Variants in LIN28B observed in about 807,000 individuals in gnomAD.
The protein encoded by LIN28B is protein lin-28 homolog B.
Under a neutral mutation model 21.9 loss-of-function variants are expected in LIN28B, and 5 were observed. That is an observed-to-expected ratio of 0.23 (90% CI 0.12 to 0.48). LIN28B has a LOEUF of 0.48. LIN28B is among the 20% of genes least tolerant of loss of function. The pLI is 0.98. For synonymous variants in LIN28B, 109 were observed against 111.3 expected, an observed-to-expected ratio of 0.98 and a Z score of 0.13; for missense variants, 245 against 310.5, an observed-to-expected ratio of 0.79 and a Z score of 1.58.
rs1420640908 is a variant in LIN28B, at chr6:105,080,867, C to T, written c.*2084C>T. The T allele has an allele frequency of 6.6e-6, 1 of 152,446 alleles. No homozygotes were observed. Among genetic ancestry groups the T allele is most frequent in the East Asian group, 1.9e-4 (1 of 5,190 alleles). 9.4% of individuals were successfully genotyped at this position (152,446 alleles called of 1,614,324 possible). On this transcript the variant is annotated 3_prime_UTR_variant, in exon 4 of 4. Transcript: ENST00000345080. ...AAAATTCAAACCAAAGTTCCTTCAC[C>T]TTATGGAAATAGGAAATTATGGACT...
intron 2 of LIN28B, among the ~76,000 whole-genome samples, chr6:104,999,240 A>G (rs965123021): frequency 6.6e-6 from 1 of 152,146 alleles, no homozygotes; most frequent in African/African-American, 2.4e-5. Flanking sequence ...CTAAGGCTCA[A>G]GAGATCCTCC....
chr6:105,007,293 T>A (rs1441983110), intron 2 of LIN28B, among the ~76,000 whole-genome samples: 1 of 152,188 alleles, frequency 6.6e-6, no homozygotes, highest in East Asian at 1.9e-4. Context: ...CAATTGAATT[T>A]ATTATTCAAA....
intron 3 of LIN28B, among the ~76,000 whole-genome samples, chr6:105,069,993 T>A (rs535483115): frequency 6.6e-6 from 1 of 152,252 alleles, no homozygotes; most frequent in South Asian, 2.1e-4. Flanking sequence ...CCTTCCCTCC[T>A]TCCACCCCTC....
At chr6:105,020,490 G>A (rs1771116707) in intron 2 of LIN28B, among the ~76,000 whole-genome samples, 1 of 151,554 alleles carries the variant, frequency 6.6e-6, no homozygotes, top group African/African-American at 2.4e-5. Context: ...CTAATTTTTT[G>A]TATTTTTTTG....
upstream of LIN28B, among the ~76,000 whole-genome samples, chr6:104,955,663 T>G (rs1257702078): frequency 7.0e-6 from 1 of 142,672 alleles, no homozygotes; most frequent in Non-Finnish European, 1.5e-5. Context: ...TTGAAGAGAC[T>G]GGGAGGGGGA....
chr6:105,067,054 A>G (rs1772232894), intron 3 of LIN28B, among the ~76,000 whole-genome samples: 1 of 152,190 alleles, frequency 6.6e-6, no homozygotes. Flanking sequence ...AGTCTGGTGA[A>G]AAAAGCAAGC....
At chr6:105,018,868 A>G (rs1216456848) in intron 2 of LIN28B, among the ~76,000 whole-genome samples, 2 of 152,072 alleles carry the variant, frequency 1.3e-5, no homozygotes, top group African/African-American at 4.8e-5. Flanking sequence ...TATTGTCTCA[A>G]ATAGCTCTGG....
Position 104,945,562 on chromosome 6 carries a change from C to T in LIN28B, c.19-4899C>T, listed in dbSNP as rs1473818950. On this transcript the variant is annotated intron_variant, in intron 2 of 5. Coordinates refer to the LIN28B transcript ENST00000635857. ...GTTTTGTCTTAAAGTTATGGTGGGC[C>T]TTCAAAGTATATGTGATTACCTTTT... is the stretch of plus-strand genomic sequence containing the variant. Among the ~76,000 whole-genome samples the T allele has an allele frequency of 2.0e-5, 3 of 152,034 alleles. 1 individual carries two copies. The highest frequency in any genetic ancestry group is 4.4e-5 in the Non-Finnish European group (3 of 67,934).
chr6:104,958,175 C>G lies in LIN28B; in HGVS notation c.87C>G (p.Arg29=). 6.2e-7 allele frequency: 1 copy of G among 1,607,268 alleles called. No individual in the cohort carries two copies. The highest frequency in any genetic ancestry group is 8.5e-7 in the Non-Finnish European group (1 of 1,174,842). ...EPAEEESQVL[R]GTGHCKWFNV... is the part of the protein sequence containing the mutation. ...CAGAGGAGGAATCCCAGGTTTTGCG[C>G]GGAACTGGCCACTGTAAGTGGTTCA... The change falls in exon 2 of 4, where the codon CGC becomes CGG. Residue 29 remains arginine (R), a synonymous_variant. Transcript: ENST00000345080.
At chr6:104,975,086 C>T (rs777300445) in intron 2 of LIN28B, among the ~76,000 whole-genome samples, 4 of 152,108 alleles carry the variant, frequency 2.6e-5, no homozygotes, top group Non-Finnish European at 5.9e-5. Flanking sequence ...TCCCAAAGTG[C>T]TGAGATTACA....
chr6:105,068,964 C>T (rs1348374253), intron 3 of LIN28B, among the ~76,000 whole-genome samples: 1 of 152,144 alleles, frequency 6.6e-6, no homozygotes, highest in African/African-American at 2.4e-5. Context: ...CACCTGTAAT[C>T]CCAGCACTTT....
At chr6:105,069,998 C>T (rs1772300901) in intron 3 of LIN28B, among the ~76,000 whole-genome samples, 1 of 152,124 alleles carries the variant, frequency 6.6e-6, no homozygotes, top group Non-Finnish European at 1.5e-5. Context: ...CCTCCTTCCA[C>T]CCCTCCCCTC....
At chr6:104,941,824 G>A (rs899984361) in intron 2 of LIN28B, among the ~76,000 whole-genome samples, 2 of 152,218 alleles carry the variant, frequency 1.3e-5, no homozygotes, top group Admixed American at 6.5e-5. Context: ...TTGGATGCGG[G>A]TGCTTTGTGA....
At position 105,080,030 on chromosome 6, in the gene LIN28B, A is replaced by G. The variant is rs920632323; in HGVS notation, c.*1247A>G. 3.3e-5 allele frequency: 5 copies of G among 152,192 alleles called. No homozygotes were observed. Among genetic ancestry groups the G allele is most frequent in the Admixed American group, 3.3e-4 (5 of 15,274 alleles). 9.4% of individuals were successfully genotyped at this position (152,192 alleles called of 1,614,324 possible). On this transcript the variant is annotated 3_prime_UTR_variant, in exon 4 of 4. Transcript: ENST00000345080. Reference sequence around the variant, plus strand: ...CCCACCAGAGAGCTAGAAGTATTTTATACAGTAACTTTGATCTTATGGAAG... The same window carrying G: ...CCCACCAGAGAGCTAGAAGTATTTTGTACAGTAACTTTGATCTTATGGAAG...
At chr6:104,953,566 C>G (rs1778247537), upstream of LIN28B, among the ~76,000 whole-genome samples, 1 of 152,146 alleles carries the variant, frequency 6.6e-6, no homozygotes, top group Non-Finnish European at 1.5e-5. Flanking sequence ...TGAGAAATCA[C>G]CAGCCTTTGG....
At chr6:105,027,388 A>G (rs1472484824) in intron 3 of LIN28B, among the ~76,000 whole-genome samples, 1 of 151,924 alleles carries the variant, frequency 6.6e-6, no homozygotes, top group Non-Finnish European at 1.5e-5. Context: ...TTTTCACATT[A>G]TTTGATTACT....
At chr6:105,042,240 A>G (rs1771653228) in intron 3 of LIN28B, among the ~76,000 whole-genome samples, 2 of 152,190 alleles carry the variant, frequency 1.3e-5, no homozygotes, top group Admixed American at 1.3e-4. Context: ...AGGCAAAAAT[A>G]ACTGATACAC....
At position 105,006,414 on chromosome 6, in the gene LIN28B, CAAT is replaced by C. The variant is rs1562090038; in HGVS notation, c.199-19883_199-19881del. ...GCAATCTCCACCTTCCAGGTTCAAG[CAAT>C]TCTCCTGTCTCAGCCTCCTGAGTAG... On this transcript the variant is annotated intron_variant, in intron 2 of 3. Coordinates refer to ENST00000345080, the MANE Select transcript of LIN28B (RefSeq NM_001004317.4). Among the ~76,000 whole-genome samples, 4 of 152,150 alleles carry C rather than the reference CAAT, an allele frequency of 2.6e-5. No homozygotes were observed. The East Asian group carries it at 7.7e-4, about 29-fold the overall frequency.
chr6:105,010,921 A>G (rs1461132782), intron 2 of LIN28B, among the ~76,000 whole-genome samples: 1 of 152,134 alleles, frequency 6.6e-6, no homozygotes, highest in Non-Finnish European at 1.5e-5. Context: ...CTATAAGTTA[A>G]TTTTGTCTGT....
Sources: allele counts gnomAD v4.1 joint callset (sites outside exome capture counted in the v4.1 genomes callset), GRCh38; gene constraint gnomAD v4.1.1; transcripts MANE v1.5; gene names NCBI Gene and HGNC (gene_info 2026-07-23, HGNC 2026-07-21).